Variants in NR2C2 observed in about 807,000 individuals in gnomAD.
The protein encoded by NR2C2 is Nuclear hormone receptor TR4.
A neutral mutation model predicts 62.9 loss-of-function variants in NR2C2; 6 were observed. That is an observed-to-expected ratio of 0.10 (90% CI 0.05 to 0.19). NR2C2 has a LOEUF of 0.19. Among genes scored for constraint, NR2C2 ranks in the 10% least tolerant of loss-of-function variants. The pLI is 1.00. For missense variants in NR2C2, 479 were observed against 762.7 expected, an observed-to-expected ratio of 0.63 and a Z score of 4.38; for synonymous variants, 272 against 273.8, an observed-to-expected ratio of 0.99 and a Z score of 0.07.
rs1559314810 is a variant in NR2C2, at chr3:15,042,860, C to T, written c.1643C>T (p.Pro548Leu). 1 of 1,614,038 alleles carries T rather than the reference C, an allele frequency of 6.2e-7. No homozygotes were observed. Among genetic ancestry groups the T allele is most frequent in the Non-Finnish European group, 8.5e-7 (1 of 1,179,956 alleles). ...TTGGCCCGGATCCTCGTTCGCCTGC[C>T]GGCACTCAGGCTGATGAGCTCCAAC... Reference protein sequence around the residue: ...YRLARILVRLPALRLMSSNIT... With the variant: ...YRLARILVRLLALRLMSSNIT... Residue 548 changes from proline (P) to leucine (L), a missense_variant, in exon 14 of 14, where the codon CCG becomes CTG. This residue lies in a region of NR2C2 where 162 missense variants were observed against 296.8 expected (regional missense o/e 0.55). Transcript: ENST00000425241.
chr3:15,022,962 GT>G (rs879467697), intron 5 of NR2C2, among the ~76,000 whole-genome samples: 1 of 152,218 alleles, frequency 6.6e-6, no homozygotes, highest in East Asian at 1.9e-4. Flanking sequence ...CTGTGCTGCA[GT>G]TTTTTTTAGC....
chr3:15,004,691 A>C, intron 2 of NR2C2: 51 of 1,509,982 alleles, frequency 3.4e-5, no homozygotes, highest in Middle Eastern at 1.7e-4. Context: ...TTGTTATCTC[A>C]ACAAGCTGAA....
At chr3:15,028,542 C>A (rs375162542) in intron 7 of NR2C2, 44 bp from the exon 8 acceptor site, 2 of 1,586,660 alleles carry the variant, frequency 1.3e-6, no homozygotes, top group South Asian at 2.2e-5. Flanking sequence ...GAGTCATTTG[C>A]GTATCTGTGT....
chr3:14,989,038 T>A (rs9839660), intron 1 of NR2C2, among the ~76,000 whole-genome samples: 9,036 of 152,260 alleles, frequency 0.059, 342 homozygotes, highest in East Asian at 0.13. Flanking sequence ...TTTTGCTGAT[T>A]GGTCAGCATT....
At chr3:14,956,729 T>C (rs904592554) in intron 1 of NR2C2, among the ~76,000 whole-genome samples, 4 of 152,106 alleles carry the variant, frequency 2.6e-5, no homozygotes, top group Non-Finnish European at 4.4e-5. Flanking sequence ...TTAGTAGAGA[T>C]AGGGTTTCTC....
intron 12 of NR2C2, 23 bp from the exon 13 acceptor site, chr3:15,039,099 G>GGC (rs1559311565): frequency 1.3e-6 from 2 of 1,567,404 alleles, no homozygotes; most frequent in East Asian, 2.2e-5. Flanking sequence ...GGGAACTGGG[G>GGC]GGGGGTACTT....
intron 1 of NR2C2, among the ~76,000 whole-genome samples, chr3:14,950,344 A>G (rs2039315863): frequency 6.6e-6 from 1 of 152,228 alleles, no homozygotes; most frequent in East Asian, 1.9e-4. Flanking sequence ...GAACTCTCTT[A>G]CAGGCAGTAT....
intron 1 of NR2C2, among the ~76,000 whole-genome samples, chr3:14,997,700 G>A (rs1388772479): frequency 1.3e-5 from 2 of 151,988 alleles, no homozygotes; most frequent in Non-Finnish European, 2.9e-5. Context: ...CTTCATTGTA[G>A]TGAATTTGTT....
At chr3:14,968,215 G>C (rs994073817) in intron 1 of NR2C2, among the ~76,000 whole-genome samples, 1 of 152,096 alleles carries the variant, frequency 6.6e-6, no homozygotes, top group African/African-American at 2.4e-5. Context: ...TACAAAATGG[G>C]AGAAAATTTT....
At chr3:15,015,213 C>G (rs2041475070) in intron 3 of NR2C2, among the ~76,000 whole-genome samples, 1 of 152,156 alleles carries the variant, frequency 6.6e-6, no homozygotes. Context: ...TTAATGATTT[C>G]TGTATGTGTT....
At chr3:15,000,740 G>T (rs2040965750) in intron 1 of NR2C2, among the ~76,000 whole-genome samples, 1 of 151,194 alleles carries the variant, frequency 6.6e-6, no homozygotes, top group Admixed American at 6.6e-5. Context: ...GGATTACATT[G>T]AATCTTTAGA....
chr3:14,964,323 G>A (rs191629279), intron 1 of NR2C2, among the ~76,000 whole-genome samples: 3 of 152,264 alleles, frequency 2.0e-5, no homozygotes, highest in African/African-American at 7.2e-5. Context: ...ATCAGTGAGT[G>A]ATGGCAGTCA....
At chr3:14,970,129 C>G (rs146078925) in intron 1 of NR2C2, among the ~76,000 whole-genome samples, 1 of 152,086 alleles carries the variant, frequency 6.6e-6, no homozygotes, top group East Asian at 1.9e-4. Context: ...TTCTGAACCA[C>G]TCTTACCCTT....
intron 1 of NR2C2, among the ~76,000 whole-genome samples, chr3:14,974,915 AC>A (rs1420831916): frequency 6.6e-6 from 1 of 152,130 alleles, no homozygotes. Flanking sequence ...GTGTATACTT[AC>A]GTTTTAAGTG....
chr3:15,003,834 A>T, intron 1 of NR2C2, 42 bp from the exon 2 acceptor site: 5 of 1,380,300 alleles, frequency 3.6e-6, no homozygotes, highest in Non-Finnish European at 5.2e-6. Context: ...TCTGGGCATC[A>T]TTCTGAACCC....
intron 1 of NR2C2, chr3:14,948,696 C>G (rs192578898): frequency 1.3e-5 from 2 of 152,556 alleles, no homozygotes; most frequent in African/African-American, 2.4e-5. Context: ...GAACGCGTCT[C>G]GAATGAGTAC....
chr3:15,005,277 C>T (rs2041135967), intron 2 of NR2C2, among the ~76,000 whole-genome samples: 1 of 150,566 alleles, frequency 6.6e-6, no homozygotes, highest in Admixed American at 6.7e-5. Flanking sequence ...GCCTCTACCT[C>T]AGAGGCTCAA....
intron 1 of NR2C2, among the ~76,000 whole-genome samples, chr3:14,961,829 T>C (rs931588165): frequency 1.3e-5 from 2 of 152,258 alleles, no homozygotes; most frequent in Non-Finnish European, 2.9e-5. Flanking sequence ...TAAATTAATA[T>C]GTGTATGGGT....
rs538343858 is a variant in NR2C2 at position 15,046,021 on chromosome 3, A to C, written c.*3013A>C. The C allele has an allele frequency of 6.6e-6, 1 of 152,362 alleles. No individual in the cohort carries two copies. Among genetic ancestry groups the C allele is most frequent in the Non-Finnish European group, 1.5e-5 (1 of 68,040 alleles). 9.4% of individuals were successfully genotyped at this position (152,362 alleles called of 1,614,324 possible). A position where few individuals can be genotyped will look rare whatever the true frequency, so the allele number is the denominator to read the frequency against. On this transcript the variant is annotated 3_prime_UTR_variant, in exon 14 of 14. Transcript: ENST00000425241. ...ACACATTAGCATAAAACAGGACAGG[A>C]AGAGATTTTTTGAAAGACCAAATTA...
Sources: gnomAD v4.1 joint callset for allele counts (sites outside exome capture counted in the v4.1 genomes callset) on GRCh38, gnomAD v4.1.1 for gene constraint, gnomAD v4.1.1 regional missense constraint, MANE v1.5 for transcripts, NCBI Gene and HGNC (gene_info 2026-07-23, HGNC 2026-07-21) for gene names.